XPR1: variants seen among roughly 807,000 people sequenced by gnomAD.
XPR1 encodes xenotropic and polytropic retrovirus receptor 1.
In XPR1, 28 loss-of-function variants were observed where a neutral mutation model predicts 87.5. The ratio of observed to expected loss-of-function variants is 0.32; its 90% confidence interval spans 0.24 to 0.44. The LOEUF (loss-of-function observed/expected upper bound fraction) is 0.44. Among genes scored for constraint, XPR1 ranks in the 20% least tolerant of loss-of-function variants. The pLI is 1.00. For missense variants in XPR1, 559 were observed against 862.3 expected, an observed-to-expected ratio of 0.65 and a Z score of 4.41; for synonymous variants, 300 against 306.1, an observed-to-expected ratio of 0.98 and a Z score of 0.21.
intron 2 of XPR1, among the ~76,000 whole-genome samples, chr1:180,709,363 C>G (rs1391526644): frequency 6.6e-6 from 1 of 152,206 alleles, no homozygotes; most frequent in African/African-American, 2.4e-5. Context: ...TTTGTATACA[C>G]TGGCGAAACC....
intron 1 of XPR1, among the ~76,000 whole-genome samples, chr1:180,676,482 T>A (rs932712011): frequency 2.0e-5 from 3 of 152,214 alleles, no homozygotes; most frequent in African/African-American, 7.2e-5. Flanking sequence ...TTTTTGTTTT[T>A]AACTTCTAGA....
At chr1:180,684,831 T>C (rs1462480006) in intron 2 of XPR1, among the ~76,000 whole-genome samples, 1 of 152,238 alleles carries the variant, frequency 6.6e-6, no homozygotes, top group Non-Finnish European at 1.5e-5. Context: ...TTTTTGTACA[T>C]TGATTCTGTA....
chr1:180,684,059 G>A (rs1656679177), intron 2 of XPR1, among the ~76,000 whole-genome samples: 1 of 152,010 alleles, frequency 6.6e-6, no homozygotes, highest in Admixed American at 6.6e-5. Context: ...CTGAATTACC[G>A]GTATTGCCTA....
At chr1:180,762,659 G>C (rs1463669212) in intron 2 of XPR1, among the ~76,000 whole-genome samples, 2 of 152,158 alleles carry the variant, frequency 1.3e-5, no homozygotes, top group African/African-American at 4.8e-5. Flanking sequence ...AAATTGACTA[G>C]TTTTCCAAGG....
chr1:180,847,715 T>C (rs1168300674), intron 11 of XPR1, among the ~76,000 whole-genome samples: 1 of 152,140 alleles, frequency 6.6e-6, no homozygotes, highest in Non-Finnish European at 1.5e-5. Flanking sequence ...TTTAAAATAA[T>C]TATGAGTAAA....
Position 180,632,174 on chromosome 1 carries a change from C to A in XPR1, c.-28C>A. 4 of 1,595,944 alleles carry A rather than the reference C, an allele frequency of 2.5e-6. No homozygotes were observed. The highest frequency in any genetic ancestry group is 3.4e-6 in the Non-Finnish European group (4 of 1,171,618). ...CGCCGCCGCCTGTAGCTGCTGGACCCGAGTGGGAGTGAGGGGGAAACGGCA... is the reference window on the plus strand; with the variant it reads ...CGCCGCCGCCTGTAGCTGCTGGACCAGAGTGGGAGTGAGGGGGAAACGGCA... On this transcript the variant is annotated 5_prime_UTR_variant, in exon 1 of 15. Coordinates refer to ENST00000367590, the MANE Select transcript of XPR1 (RefSeq NM_004736.4).
intron 10 of XPR1, among the ~76,000 whole-genome samples, chr1:180,836,188 A>G (rs998177084): frequency 2.0e-5 from 3 of 151,982 alleles, no homozygotes; most frequent in Non-Finnish European, 2.9e-5. Flanking sequence ...GTGAAACCCC[A>G]TGTCTACTAA....
Position 180,632,120 on chromosome 1 carries a change from A to C in XPR1, c.-82A>C. The C allele has an allele frequency of 4.0e-6, 6 of 1,504,762 alleles. No homozygotes were observed. The highest frequency in any genetic ancestry group is 5.4e-6 in the Non-Finnish European group (6 of 1,104,064). 93.2% of individuals were successfully genotyped at this position (1,504,762 alleles called of 1,614,324 possible). On this transcript the variant is annotated 5_prime_UTR_variant, in exon 1 of 15. It removes an upstream start codon present in the reference 5' UTR. Coordinates refer to ENST00000367590, the MANE Select transcript of XPR1 (RefSeq NM_004736.4). The stretch of plus-strand genomic sequence containing the variant: ...GCAGCGCCGCGCCGCGCCGGGGCCC[A>C]TGTGGGGAGGAGTCGGAGTCGCTGT...
At chr1:180,852,091 T>C (rs1651883787) in intron 11 of XPR1, among the ~76,000 whole-genome samples, 1 of 151,814 alleles carries the variant, frequency 6.6e-6, no homozygotes, top group Non-Finnish European at 1.5e-5. Context: ...CTAATTACAA[T>C]AGAACATGGA....
intron 1 of XPR1, among the ~76,000 whole-genome samples, chr1:180,646,473 G>A (rs1655123610): frequency 6.6e-6 from 1 of 152,068 alleles, no homozygotes; most frequent in African/African-American, 2.4e-5. Flanking sequence ...AGTTTTGAAG[G>A]TTTCATGGCT....
intron 1 of XPR1, among the ~76,000 whole-genome samples, chr1:180,674,271 G>T (rs6425649): frequency 0.043 from 6,542 of 152,190 alleles, 501 homozygotes; most frequent in African/African-American, 0.15. Context: ...TTTTGTGTTT[G>T]TTTTTGAGAG....
intron 11 of XPR1, among the ~76,000 whole-genome samples, chr1:180,854,227 G>A (rs1384629787): frequency 6.6e-6 from 1 of 152,188 alleles, no homozygotes; most frequent in Non-Finnish European, 1.5e-5. Flanking sequence ...TTCCTGTAAA[G>A]GATTACAATC....
Position 180,766,599 on chromosome 1 carries a change from A to G in XPR1, c.122-21154A>G, listed in dbSNP as rs182256424. On this transcript the variant is annotated intron_variant, in intron 2 of 14. Transcript: ENST00000367590. ...TATTGTAAAGTATTTCTAACATTAA[A>G]AAAAAACCTTTTGTGAAATTGTAAT... Among the ~76,000 whole-genome samples the G allele has an allele frequency of 6.7e-4, 102 of 152,334 alleles. 2 individuals carry two copies. In the East Asian group the frequency reaches 0.019, roughly 28 times the overall value.
At chr1:180,817,863 T>C (rs1476535146) in intron 7 of XPR1, among the ~76,000 whole-genome samples, 1 of 152,206 alleles carries the variant, frequency 6.6e-6, no homozygotes, top group Non-Finnish European at 1.5e-5. Context: ...GCTGATTCAC[T>C]TCATTTTTCA....
rs1648272027 is a variant in XPR1, at chr1:180,766,076, TC to T, written c.122-21675del. 6.6e-5 allele frequency among the ~76,000 whole-genome samples: 10 copies of T among 152,286 alleles called. No homozygotes were observed. The South Asian group carries it at 1.9e-3, about 28-fold the overall frequency. The stretch of plus-strand genomic sequence containing the variant: ...TTAAAGTAGAACTTAACTTTTCTTT[TC>T]CTGGTCCACTATCTCTGTCATCATT... On this transcript the variant is annotated intron_variant, in intron 2 of 14. Coordinates refer to ENST00000367590, the MANE Select transcript of XPR1 (RefSeq NM_004736.4).
At chr1:180,649,480 T>C (rs542748681) in intron 1 of XPR1, among the ~76,000 whole-genome samples, 80 of 152,236 alleles carry the variant, frequency 5.3e-4, no homozygotes, top group African/African-American at 1.8e-3. Flanking sequence ...TAACTAAATA[T>C]TAAGTGCTTA....
chr1:180,632,181 G>A lies in XPR1; in HGVS notation c.-21G>A. The A allele has an allele frequency of 6.2e-7, 1 of 1,600,374 alleles. No homozygotes were observed. The highest frequency in any genetic ancestry group is 1.3e-5 in the African/African-American group (1 of 74,676). On this transcript the variant is annotated 5_prime_UTR_variant, in exon 1 of 15. Coordinates refer to ENST00000367590, the MANE Select transcript of XPR1 (RefSeq NM_004736.4). ...GCCTGTAGCTGCTGGACCCGAGTGGGAGTGAGGGGGAAACGGCAGGATGAA... is the reference window on the plus strand; with the variant it reads ...GCCTGTAGCTGCTGGACCCGAGTGGAAGTGAGGGGGAAACGGCAGGATGAA...
At chr1:180,821,509 A>G (rs1650624938) in intron 7 of XPR1, among the ~76,000 whole-genome samples, 1 of 151,966 alleles carries the variant, frequency 6.6e-6, no homozygotes, top group African/African-American at 2.4e-5. Flanking sequence ...TTCTTTTTTC[A>G]TTATTGTTTT....
At chr1:180,671,675 C>T (rs1656182505) in intron 1 of XPR1, among the ~76,000 whole-genome samples, 1 of 152,054 alleles carries the variant, frequency 6.6e-6, no homozygotes, top group East Asian at 1.9e-4. Context: ...CTACCAAGCC[C>T]AGCTAATTTC....
Sources: gnomAD v4.1 joint callset for allele counts (sites outside exome capture counted in the v4.1 genomes callset) on GRCh38, gnomAD v4.1.1 for gene constraint, MANE v1.5 for transcripts, NCBI Gene and HGNC (gene_info 2026-07-23, HGNC 2026-07-21) for gene names.